GPC6: variants seen among roughly 807,000 people sequenced by gnomAD.
GPC6 encodes the protein glypican-6.
A neutral mutation model predicts 55.2 loss-of-function variants in GPC6; 14 were observed. That is an observed-to-expected ratio of 0.25 (90% CI 0.17 to 0.40). The LOEUF is 0.40. GPC6 is among the 10% of genes least tolerant of loss of function. GPC6 has a pLI of 1.00. For synonymous variants in GPC6, 278 were observed against 259.6 expected (o/e 1.07, Z -0.68); for missense variants, 641 against 708.5 (o/e 0.90, Z 1.08).
At chr13:94,059,428 G>A (rs1396811175) in intron 4 of GPC6, among the ~76,000 whole-genome samples, 2 of 151,946 alleles carry the variant, frequency 1.3e-5, no homozygotes, top group African/African-American at 4.8e-5. Flanking sequence ...CTTCTTGGCT[G>A]AGCCACAGAA....
At chr13:93,992,604 G>A (rs1193151283) in intron 3 of GPC6, among the ~76,000 whole-genome samples, 1 of 152,172 alleles carries the variant, frequency 6.6e-6, no homozygotes, top group Admixed American at 6.5e-5. Flanking sequence ...TCAGGAAGGT[G>A]TGACTGTGAC....
At chr13:94,175,986 A>AGAGAGAGAGAGAGAGC (rs1555304128) in intron 4 of GPC6, among the ~76,000 whole-genome samples, 122 of 131,200 alleles carry the variant, frequency 9.3e-4, no homozygotes, top group Non-Finnish European at 1.5e-3. Context: ...AGAGAGAGAG[A>AGAGAGAGAGAGAGAGC]GAGAGAGCGA....
intron 3 of GPC6, among the ~76,000 whole-genome samples, chr13:93,937,005 C>T (rs181495994): frequency 3.3e-5 from 5 of 152,088 alleles, no homozygotes; most frequent in East Asian, 3.9e-4. Context: ...GTCCAGCACC[C>T]GATAGAAAGA....
At chr13:94,398,812 T>C (rs1881005208) in intron 8 of GPC6, among the ~76,000 whole-genome samples, 171 bp downstream of exon 8, 1 of 152,218 alleles carries the variant, frequency 6.6e-6, no homozygotes, top group Non-Finnish European at 1.5e-5. Context: ...CCACAAAACA[T>C]AGGATACGAA....
chr13:94,046,222 T>C (rs982404649), intron 4 of GPC6, among the ~76,000 whole-genome samples: 2 of 152,062 alleles, frequency 1.3e-5, no homozygotes, highest in African/African-American at 2.4e-5. Context: ...TAGAATTACA[T>C]GTATAAAATG....
rs578099701 is a variant in GPC6 at position 93,913,666 on chromosome 13, T to C, written c.711+83121T>C. ...TGGGAATTAAACTATTGTGCATTTT[T>C]TTCTTTCCTCTGTTTTTCTTTCATC... On this transcript the variant is annotated intron_variant, in intron 3 of 8. Transcript: ENST00000377047. Among the ~76,000 whole-genome samples, 68 of 152,344 alleles carry C rather than the reference T, an allele frequency of 4.5e-4. No homozygotes were observed. The South Asian group carries it at 7.3e-3, about 16-fold the overall frequency.
intron 1 of GPC6, among the ~76,000 whole-genome samples, chr13:93,256,249 A>T (rs902116082): frequency 6.6e-6 from 1 of 151,898 alleles, no homozygotes; most frequent in Non-Finnish European, 1.5e-5. Context: ...TCTAAAGAAA[A>T]TTTTTCTGTT....
At chr13:93,816,435 T>C (rs1886850961) in intron 2 of GPC6, among the ~76,000 whole-genome samples, 1 of 152,062 alleles carries the variant, frequency 6.6e-6, no homozygotes, top group Non-Finnish European at 1.5e-5. Flanking sequence ...ATATTTAGAG[T>C]GAAGAGACCC....
intron 1 of GPC6, among the ~76,000 whole-genome samples, chr13:93,487,536 T>C (rs1166007176): frequency 6.6e-6 from 1 of 152,102 alleles, no homozygotes; most frequent in Non-Finnish European, 1.5e-5. Flanking sequence ...TGTAGAACTA[T>C]ATTTGGAGGA....
chr13:93,664,182 G>A (rs1340089337), intron 2 of GPC6, among the ~76,000 whole-genome samples: 1 of 152,016 alleles, frequency 6.6e-6, no homozygotes, highest in South Asian at 2.1e-4. Context: ...TTTATTCTAA[G>A]TACTTTGAAA....
intron 4 of GPC6, among the ~76,000 whole-genome samples, chr13:94,116,346 A>C (rs1252494026): frequency 2.6e-5 from 4 of 152,056 alleles, no homozygotes; most frequent in Non-Finnish European, 5.9e-5. Flanking sequence ...CTCCAAACTC[A>C]GAAAGCTAAA....
At chr13:93,622,297 G>T (rs1367684480) in intron 2 of GPC6, among the ~76,000 whole-genome samples, 1 of 152,178 alleles carries the variant, frequency 6.6e-6, no homozygotes, top group Non-Finnish European at 1.5e-5. Flanking sequence ...CACAAAGTGG[G>T]TCCTCTGATG....
intron 4 of GPC6, among the ~76,000 whole-genome samples, chr13:94,136,546 T>TA (rs1407909616): frequency 1.3e-5 from 2 of 152,044 alleles, no homozygotes; most frequent in East Asian, 1.9e-4. Flanking sequence ...CTGTCTCTAC[T>TA]AAAAATACAA....
chr13:93,733,901 G>A (rs1292486846), intron 2 of GPC6, among the ~76,000 whole-genome samples: 1 of 152,070 alleles, frequency 6.6e-6, no homozygotes, highest in Non-Finnish European at 1.5e-5. Context: ...GTTTTTCTTT[G>A]CTCTTCTTCT....
intron 4 of GPC6, among the ~76,000 whole-genome samples, chr13:94,041,544 G>C (rs1329151746): frequency 2.0e-5 from 3 of 151,824 alleles, no homozygotes; most frequent in Non-Finnish European, 4.4e-5. Flanking sequence ...GCTTTAATTA[G>C]TATGTCATTT....
At chr13:94,129,191 A>G (rs1401252074) in intron 4 of GPC6, among the ~76,000 whole-genome samples, 2 of 152,202 alleles carry the variant, frequency 1.3e-5, no homozygotes, top group African/African-American at 4.8e-5. Context: ...ATAAATTGAA[A>G]TAATGAGAAA....
At chr13:93,464,673 C>T (rs1018128842) in intron 1 of GPC6, among the ~76,000 whole-genome samples, 1 of 152,146 alleles carries the variant, frequency 6.6e-6, no homozygotes, top group Non-Finnish European at 1.5e-5. Flanking sequence ...TCCAAGTCAT[C>T]TATGAGGGTT....
rs531340964 is a variant in GPC6, at chr13:93,708,063, G to C, written c.320-122091G>C. Among the ~76,000 whole-genome samples the C allele has an allele frequency of 2.6e-5, 4 of 151,798 alleles. No homozygotes were observed. In the East Asian group the frequency reaches 5.9e-4, roughly 22 times the overall value. ...AATATTACTAATACATCATGTTGAA[G>C]AATAAACATCAAACAATAATGATAT... On this transcript the variant is annotated intron_variant, in intron 2 of 8. Transcript: ENST00000377047.
chr13:94,136,927 G>A (rs1333365560), intron 4 of GPC6, among the ~76,000 whole-genome samples: 1 of 152,124 alleles, frequency 6.6e-6, no homozygotes, highest in African/African-American at 2.4e-5. Context: ...CATAGTGGGC[G>A]AGTAAAGATG....
Sources: allele counts gnomAD v4.1 joint callset (sites outside exome capture counted in the v4.1 genomes callset), GRCh38; gene constraint gnomAD v4.1.1; transcripts MANE v1.5; gene names NCBI Gene and HGNC (gene_info 2026-07-23, HGNC 2026-07-21).